ARHGEF10L: variants seen among roughly 807,000 people sequenced by gnomAD.
ARHGEF10L encodes rho guanine nucleotide exchange factor 10-like protein.
ARHGEF10L carries 69 observed loss-of-function variants against 141.2 expected under a neutral mutation model. The observed-to-expected ratio is 0.49, with a 90% CI of 0.40 to 0.60. ARHGEF10L has a LOEUF of 0.60. Ranked by LOEUF, ARHGEF10L falls within the 20% of genes least tolerant of loss-of-function variation. The pLI is 0.00. For missense variants in ARHGEF10L, 1,482 were observed against 1,734.3 expected (o/e 0.85, Z 2.58); for synonymous variants, 711 against 718.5 (o/e 0.99, Z 0.17).
intron 11 of ARHGEF10L, among the ~76,000 whole-genome samples, chr1:17,622,606 C>T (rs2060163445): frequency 6.6e-6 from 1 of 152,154 alleles, no homozygotes; most frequent in South Asian, 2.1e-4. Context: ...AATATATCAC[C>T]TGTCTCTGAC....
At chr1:17,642,713 A>G (rs2061392688) in intron 21 of ARHGEF10L, among the ~76,000 whole-genome samples, 1 of 152,198 alleles carries the variant, frequency 6.6e-6, no homozygotes, top group Non-Finnish European at 1.5e-5. Context: ...GAGGGTGCAG[A>G]AAGTGTTTTA....
intron 1 of ARHGEF10L, among the ~76,000 whole-genome samples, chr1:17,565,434 A>G (rs1227510825): frequency 6.6e-6 from 1 of 152,146 alleles, no homozygotes; most frequent in Non-Finnish European, 1.5e-5. Flanking sequence ...CAGACGAACT[A>G]TCCATGCTTT....
chr1:17,695,348 G>A (rs938912957), intron 28 of ARHGEF10L, 68 bp downstream of exon 28: 108 of 1,524,558 alleles, frequency 7.1e-5, no homozygotes, highest in African/African-American at 9.7e-5. Flanking sequence ...GGGGCTTGGC[G>A]GGGAGGGTGT....
At chr1:17,533,985 G>A in the ARHGEF10L span, among the ~76,000 whole-genome samples, 71 of 151,748 alleles carry the variant, frequency 4.7e-4, no homozygotes, top group African/African-American at 1.5e-3. Context: ...TTCTTGAGAC[G>A]GAGTCTTGCT....
chr1:17,625,133 C>A lies in ARHGEF10L; in HGVS notation c.1317+630C>A, dbSNP rs2101563196. 6.6e-6 allele frequency among the ~76,000 whole-genome samples: 1 copy of A among 152,326 alleles called. No homozygotes were observed. Among genetic ancestry groups the A allele is most frequent in the East Asian group, 1.9e-4 (1 of 5,172 alleles). Reference sequence around the variant, plus strand: ...CCTCAGTGGAGGAACCCACTGTCCCCATCAAAGAGAACAGGGGATCAGGAG... The same window carrying A: ...CCTCAGTGGAGGAACCCACTGTCCCAATCAAAGAGAACAGGGGATCAGGAG... On this transcript the variant is annotated intron_variant, in intron 13 of 28. Coordinates refer to ENST00000361221, the MANE Select transcript of ARHGEF10L (RefSeq NM_018125.4). The surrounding 1 kb of genome is among the most constrained non-coding windows in gnomAD (Gnocchi z 4.5).
Position 17,625,885 on chromosome 1 carries a change from G to A in ARHGEF10L, c.1318-71G>A, listed in dbSNP as rs892162922. 3.7e-6 allele frequency: 5 copies of A among 1,351,378 alleles called. No homozygotes were observed. Among genetic ancestry groups the A allele is most frequent in the African/African-American group, 1.4e-5 (1 of 69,482 alleles). The allele number at this position is 1,351,378 out of a possible 1,614,324, so 83.7% of individuals were successfully genotyped here. ...GGGAGAGGAGCCCAGAATGGGGACA[G>A]TGTCTGGACTCTGGGGCACTGGGCC... On this transcript the variant is annotated intron_variant, in intron 13 of 28. Transcript: ENST00000361221. This position sits in a 1 kb window ranked among gnomAD's most constrained non-coding sequence, Gnocchi z 4.5.
rs575813520 is a variant in ARHGEF10L, at chr1:17,648,757, A to G, written c.2394+82A>G. On this transcript the variant is annotated intron_variant, in intron 22 of 28. Coordinates refer to ENST00000361221, the MANE Select transcript of ARHGEF10L (RefSeq NM_018125.4). The stretch of plus-strand genomic sequence containing the variant: ...CCTGGGAGAACCAGAGTTTCCAGGG[A>G]GCGCCCACAGCAGGGAAGGCTCAGG... The G allele has an allele frequency of 2.6e-6, 4 of 1,543,960 alleles. No individual in the cohort carries two copies. The South Asian group carries it at 4.8e-5, about 18-fold the overall frequency.
At chr1:17,682,647 G>T (rs12080054) in intron 26 of ARHGEF10L, among the ~76,000 whole-genome samples, 187 of 152,298 alleles carry the variant, frequency 1.2e-3, no homozygotes, top group African/African-American at 4.4e-3. Flanking sequence ...TAACAGCACG[G>T]TTTCTGGTGC....
intron 17 of ARHGEF10L, 113 bp downstream of exon 17, chr1:17,634,675 C>T (rs545145610): frequency 1.2e-4 from 181 of 1,491,656 alleles, no homozygotes; most frequent in African/African-American, 3.6e-4. Context: ...TCTACCCTGG[C>T]GAGGGATCCC....
upstream of ARHGEF10L, among the ~76,000 whole-genome samples, chr1:17,538,003 G>C (rs2076603824): frequency 6.6e-6 from 1 of 152,020 alleles, no homozygotes; most frequent in Non-Finnish European, 1.5e-5. Context: ...TTGAGCCTAG[G>C]AGTTTGAGGT....
intron 26 of ARHGEF10L, 140 bp downstream of exon 26, chr1:17,664,735 G>A: frequency 8.8e-7 from 1 of 1,138,272 alleles, no homozygotes; most frequent in South Asian, 1.8e-5. Context: ...CGGAAGCAGA[G>A]GGGGCCCAAG....
the ARHGEF10L span, among the ~76,000 whole-genome samples, chr1:17,532,133 G>A: frequency 4.6e-5 from 7 of 152,236 alleles, no homozygotes; most frequent in South Asian, 8.3e-4. Flanking sequence ...CTGGAGGCTC[G>A]CTGTGTCCCC....
chr1:17,560,950 C>T (rs3887622), intron 1 of ARHGEF10L, among the ~76,000 whole-genome samples: 18,929 of 152,194 alleles, frequency 0.12, 1,370 homozygotes, highest in Middle Eastern at 0.22. Flanking sequence ...GGAGCTGACA[C>T]GTGAGCAAGA....
At chr1:17,642,179 T>G (rs767982519) in intron 21 of ARHGEF10L, among the ~76,000 whole-genome samples, 2 of 152,026 alleles carry the variant, frequency 1.3e-5, no homozygotes, top group Admixed American at 6.5e-5. Flanking sequence ...GGAGCAAATC[T>G]GCAAGCAGGT....
chr1:17,632,454 A>C lies in ARHGEF10L; in HGVS notation c.1718A>C (p.Asn573Thr). The change falls in exon 16 of 29, where the codon AAC (asparagine) becomes ACC (threonine). Residue 573 changes from asparagine to threonine, a missense_variant. This residue lies in a region of ARHGEF10L where 858 missense variants were observed against 966.3 expected (regional missense o/e 0.89). Transcript: ENST00000361221. ...CTCAACGACATGCTTGTCTGTGCCA[A>C]CATCAACTTCAAGTAAGTGGGCCTG... ...FLLNDMLVCA[N>T]INFKPANHRG... 6.2e-7 allele frequency: 1 copy of C among 1,614,112 alleles called. No individual in the cohort carries two copies. Among genetic ancestry groups the C allele is most frequent in the Non-Finnish European group, 8.5e-7 (1 of 1,180,006 alleles).
At chr1:17,646,461 C>T (rs1028274761) in intron 21 of ARHGEF10L, among the ~76,000 whole-genome samples, 2 of 152,188 alleles carry the variant, frequency 1.3e-5, no homozygotes, top group African/African-American at 4.8e-5. Context: ...GTGGTGGGTC[C>T]AGCCCTGCGT....
At chr1:17,526,348 C>T in the ARHGEF10L span, among the ~76,000 whole-genome samples, 6 of 152,172 alleles carry the variant, frequency 3.9e-5, no homozygotes, top group African/African-American at 4.8e-5. Context: ...GGGATGCCAA[C>T]GTTTGTGGGA....
rs1390241909 is a variant in ARHGEF10L at position 17,644,435 on chromosome 1, G to A, written c.2273-4119G>A. ...GATGGGTCTCCTCTCCAGGAGTAGG[G>A]CCGAGGGCGTGGCCTTGGAGTCCGA... On this transcript the variant is annotated intron_variant, in intron 21 of 28. Coordinates refer to ENST00000361221, the MANE Select transcript of ARHGEF10L (RefSeq NM_018125.4). This position sits in a 1 kb window ranked among gnomAD's most constrained non-coding sequence, Gnocchi z 4.5. Among the ~76,000 whole-genome samples, 2 of 152,372 alleles carry A rather than the reference G, an allele frequency of 1.3e-5. No individual in the cohort carries two copies. The highest frequency in any genetic ancestry group is 3.9e-4 in the East Asian group (2 of 5,186).
intron 26 of ARHGEF10L, among the ~76,000 whole-genome samples, chr1:17,668,798 A>G (rs1367416438): frequency 6.6e-6 from 1 of 150,556 alleles, no homozygotes; most frequent in Admixed American, 6.6e-5. Context: ...GGTGATCGCT[A>G]TGCGTATTTA....
Sources: gnomAD v4.1 joint callset for allele counts (sites outside exome capture counted in the v4.1 genomes callset) on GRCh38, gnomAD v4.1.1 for gene constraint, gnomAD v4.1.1 regional missense constraint, Gnocchi (gnomAD v3.1) non-coding constraint, MANE v1.5 for transcripts, NCBI Gene and HGNC (gene_info 2026-07-23, HGNC 2026-07-21) for gene names.